Variants in CTNNA3 observed in about 807,000 individuals in gnomAD.
CTNNA3 encodes the protein catenin alpha-3.
Under a neutral mutation model 95.7 loss-of-function variants are expected in CTNNA3, and 76 were observed. The observed-to-expected ratio is 0.79, with a 90% CI of 0.66 to 0.96. CTNNA3 has a LOEUF of 0.96. Among genes scored for constraint, CTNNA3 ranks in the 40% least tolerant of loss-of-function variants. CTNNA3 has a pLI of 0.00. For missense variants in CTNNA3, 1,191 were observed against 1,089.8 expected (o/e 1.09, Z -1.31); for synonymous variants, 431 against 374.4 (o/e 1.15, Z -1.74).
intron 11 of CTNNA3, among the ~76,000 whole-genome samples, chr10:66,519,524 C>G (rs1840982834): frequency 6.6e-6 from 1 of 152,152 alleles, no homozygotes; most frequent in African/African-American, 2.4e-5. Context: ...CCATTCTATT[C>G]AAAGTCATCT....
At chr10:66,966,924 C>A (rs1443458340) in intron 7 of CTNNA3, among the ~76,000 whole-genome samples, 7 of 152,002 alleles carry the variant, frequency 4.6e-5, no homozygotes, top group African/African-American at 9.7e-5. Context: ...TCAAATTCAA[C>A]TAAATGGGAG....
At chr10:66,086,624 C>T (rs1419943291) in intron 14 of CTNNA3, among the ~76,000 whole-genome samples, 2 of 152,042 alleles carry the variant, frequency 1.3e-5, no homozygotes, top group East Asian at 3.9e-4. Context: ...AACTTACCAT[C>T]CACTATCACT....
At chr10:67,580,765 A>C (rs1436990334) in intron 3 of CTNNA3, among the ~76,000 whole-genome samples, 4 of 145,244 alleles carry the variant, frequency 2.8e-5, no homozygotes, top group Non-Finnish European at 4.6e-5. Flanking sequence ...CCTTGAAGAG[A>C]TCCTTCACAT....
In CTNNA3 at chr10:67,606,984, G is replaced by A. The variant is rs141527898; in HGVS notation, c.165C>T (p.Ala55=). The A allele has an allele frequency of 2.7e-5, 44 of 1,613,990 alleles. No individual in the cohort carries two copies. The highest frequency in any genetic ancestry group is 3.3e-4 in the Middle Eastern group (2 of 6,062). ...CCTCCACAGAAGCTAGAAGGACACT[G>A]GCTCTTTTCGAACGTCCTTTTTTCC... ...SSRKKGRSKR[A]SVLLASVEEA... Residue 55 remains alanine, a synonymous_variant, in exon 3 of 18, where the codon GCC becomes GCT. Coordinates refer to ENST00000433211, the MANE Select transcript of CTNNA3 (RefSeq NM_013266.4).
chr10:66,345,177 G>A (rs1456736982), intron 12 of CTNNA3, among the ~76,000 whole-genome samples: 1 of 152,014 alleles, frequency 6.6e-6, no homozygotes, highest in Admixed American at 6.6e-5. Flanking sequence ...AGATAATTTT[G>A]TCACTAAACA....
intron 7 of CTNNA3, among the ~76,000 whole-genome samples, chr10:67,156,961 C>T (rs1354531303): frequency 6.6e-6 from 1 of 152,062 alleles, no homozygotes; most frequent in Non-Finnish European, 1.5e-5. Context: ...TACTTAGGTG[C>T]TCTGATGTTG....
At chr10:67,762,832 G>T (rs1841469499) in intron 1 of CTNNA3, among the ~76,000 whole-genome samples, 1 of 152,140 alleles carries the variant, frequency 6.6e-6, no homozygotes, top group Non-Finnish European at 1.5e-5. Context: ...GTATAGAAAA[G>T]CACTATCCTA....
chr10:67,569,405 G>A (rs1465381607), intron 3 of CTNNA3, among the ~76,000 whole-genome samples: 1 of 152,104 alleles, frequency 6.6e-6, no homozygotes, highest in African/African-American at 2.4e-5. Context: ...TCTGTAAGCT[G>A]TGTACCATTT....
chr10:66,193,382 G>C (rs987998976), intron 13 of CTNNA3, among the ~76,000 whole-genome samples: 1 of 152,126 alleles, frequency 6.6e-6, no homozygotes, highest in African/African-American at 2.4e-5. Context: ...TGTTTCAACA[G>C]GGATGGAGGG....
intron 9 of CTNNA3, among the ~76,000 whole-genome samples, chr10:66,647,765 C>T (rs570318003): frequency 1.3e-5 from 2 of 152,054 alleles, no homozygotes; most frequent in East Asian, 1.9e-4. Flanking sequence ...GTGATCCACC[C>T]GCCTTGGTCT....
chr10:66,754,270 T>C (rs1839280556), intron 9 of CTNNA3, among the ~76,000 whole-genome samples: 1 of 152,134 alleles, frequency 6.6e-6, no homozygotes, highest in South Asian at 2.1e-4. Context: ...TGAAAAATAA[T>C]TGTCTTTTCA....
intron 7 of CTNNA3, chr10:67,013,142 T>G (rs1852445248): frequency 6.6e-6 from 1 of 151,986 alleles, no homozygotes; most frequent in Admixed American, 6.6e-5. Context: ...CTCAGAGAAG[T>G]TAGGTGAAAA....
chr10:66,836,355 C>T (rs1842887650), intron 7 of CTNNA3, among the ~76,000 whole-genome samples: 1 of 152,130 alleles, frequency 6.6e-6, no homozygotes. Flanking sequence ...AATTCTGCTT[C>T]CTTGTTTGGT....
At chr10:66,936,207 C>T (rs566093905) in intron 7 of CTNNA3, among the ~76,000 whole-genome samples, 65 of 152,172 alleles carry the variant, frequency 4.3e-4, no homozygotes, top group Middle Eastern at 6.8e-3. Flanking sequence ...TGTGTGGAGT[C>T]TTTATTAGTT....
chr10:67,021,058 C>A (rs1421416374), intron 7 of CTNNA3, among the ~76,000 whole-genome samples: 1 of 152,142 alleles, frequency 6.6e-6, no homozygotes, highest in Non-Finnish European at 1.5e-5. Flanking sequence ...CTCTTTGTTT[C>A]ATTTTTGCAG....
intron 5 of CTNNA3, among the ~76,000 whole-genome samples, chr10:67,268,553 CT>C (rs1319626399): frequency 1.3e-5 from 2 of 151,854 alleles, no homozygotes; most frequent in Non-Finnish European, 2.9e-5. Context: ...CCTCTACGGC[CT>C]TTTTTGTTTT....
At chr10:66,851,360 A>G (rs1318364034) in intron 7 of CTNNA3, among the ~76,000 whole-genome samples, 3 of 152,098 alleles carry the variant, frequency 2.0e-5, no homozygotes, top group Non-Finnish European at 4.4e-5. Context: ...ATTCAACCAC[A>G]TAGGACTCAC....
At chr10:66,553,609 C>G (rs986540775) in intron 10 of CTNNA3, among the ~76,000 whole-genome samples, 3 of 127,400 alleles carry the variant, frequency 2.4e-5, no homozygotes, top group Non-Finnish European at 4.7e-5. Flanking sequence ...CTCACTGCAA[C>G]CTCTGCCTCC....
chr10:66,196,805 A>G (rs998262585), intron 13 of CTNNA3, among the ~76,000 whole-genome samples: 2 of 150,958 alleles, frequency 1.3e-5, no homozygotes, highest in African/African-American at 4.8e-5. Context: ...TCACCCCAGT[A>G]GCAGCCAAGA....
Sources: allele counts gnomAD v4.1 joint callset (sites outside exome capture counted in the v4.1 genomes callset), GRCh38; gene constraint gnomAD v4.1.1; transcripts MANE v1.5; gene names NCBI Gene and HGNC (gene_info 2026-07-23, HGNC 2026-07-21).